Variants in GPR21 observed in about 807,000 individuals in gnomAD.
GPR21 encodes probable G protein-coupled receptor 21.
Under a neutral mutation model 21.5 loss-of-function variants are expected in GPR21, and 9 were observed. That is an observed-to-expected ratio of 0.42 (90% CI 0.25 to 0.73). GPR21 has a LOEUF of 0.73. Ranked by LOEUF, GPR21 falls within the 30% of genes least tolerant of loss-of-function variation. The pLI, the probability that GPR21 is intolerant of heterozygous loss-of-function variation, is 0.27. For synonymous variants in GPR21, 169 were observed against 159.3 expected, an observed-to-expected ratio of 1.06 and a Z score of -0.46; for missense variants, 416 against 428.9, an observed-to-expected ratio of 0.97 and a Z score of 0.27.
Position 123,034,581 on chromosome 9 carries a change from G to A in GPR21, c.15G>A (p.Leu5=). The change falls in exon 2 of 2, where the codon TTG becomes TTA. Residue 5 remains leucine (L), a synonymous_variant. Coordinates refer to ENST00000616002, the MANE Select transcript of GPR21 (RefSeq NM_005294.3). ...CTGAGCTCAAGATGAACTCCACCTT[G>A]GATGGTAATCAGAGCAGCCACCCTT... The part of the protein sequence containing the change: MNST[L]DGNQSSHPFC... 1 of 1,603,172 alleles carries A rather than the reference G, an allele frequency of 6.2e-7. No homozygotes were observed. The highest frequency in any genetic ancestry group is 1.3e-5 in the African/African-American group (1 of 74,844).
downstream of GPR21, among the ~76,000 whole-genome samples, chr9:123,039,215 T>C (rs919009944): frequency 7.9e-5 from 12 of 152,160 alleles, no homozygotes; most frequent in Non-Finnish European, 1.5e-4. Flanking sequence ...AATCCCAGAC[T>C]TGAGAAGAGA....
chr9:123,044,733 CA>C, the GPR21 span, among the ~76,000 whole-genome samples: 1 of 151,776 alleles, frequency 6.6e-6, no homozygotes, highest in East Asian at 1.9e-4. Flanking sequence ...GAGAGGAATG[CA>C]AAATGCCATG....
At chr9:123,042,688 G>A in the GPR21 span, among the ~76,000 whole-genome samples, 14 of 152,102 alleles carry the variant, frequency 9.2e-5, no homozygotes, top group Admixed American at 4.6e-4. Flanking sequence ...CAAAACAGTC[G>A]GAGGTTTAAT....
the GPR21 span, among the ~76,000 whole-genome samples, chr9:123,048,634 A>G: frequency 1.1e-4 from 17 of 152,378 alleles, no homozygotes; most frequent in African/African-American, 3.8e-4. Context: ...AGTTCATCAC[A>G]GTTATCAGAA....
At position 123,034,776 on chromosome 9, in the gene GPR21, T is replaced by C. The variant is rs2032522515; in HGVS notation, c.210T>C (p.Thr70=). ...NHHTTSYFIQ[T]MAYADLFVGV... ...ACACTACAAGTTATTTTATCCAGAC[T>C]ATGGCATATGCTGACCTTTTTGTTG... The change falls in exon 2 of 2, where the codon ACT becomes ACC. Residue 70 remains threonine, a synonymous_variant. Coordinates refer to ENST00000616002, the MANE Select transcript of GPR21 (RefSeq NM_005294.3). 6.2e-7 allele frequency: 1 copy of C among 1,613,650 alleles called. No homozygotes were observed. Among genetic ancestry groups the C allele is most frequent in the Non-Finnish European group, 8.5e-7 (1 of 1,179,660 alleles).
rs375680589 is a variant in GPR21, at chr9:123,034,927, G to A, written c.361G>A (p.Ala121Thr). The change falls in exon 2 of 2, where the codon GCC (alanine) becomes ACC (threonine). Residue 121 changes from alanine (A) to threonine (T), a missense_variant. Physicochemically the swap from Ala to Thr is moderately conservative, Grantham distance 58 (BLOSUM62 0). Transcript: ENST00000616002. The part of the protein sequence containing the change: ...VLKSVSMASL[A>T]CISIDRYIAI... ...GAAGAGCGTCTCCATGGCTTCTCTG[G>A]CCTGTATCAGCATTGATAGATACAT... The A allele has an allele frequency of 6.2e-6, 10 of 1,612,926 alleles. No homozygotes were observed. The African/African-American group carries it at 9.3e-5, about 15-fold the overall frequency.
At chr9:123,042,251 T>TA in the GPR21 span, among the ~76,000 whole-genome samples, 40 of 152,336 alleles carry the variant, frequency 2.6e-4, no homozygotes, top group East Asian at 2.9e-3. Flanking sequence ...CTGGTCACTT[T>TA]AAGGTGATGC....
Position 123,035,266 on chromosome 9 carries a change from A to G in GPR21, c.700A>G (p.Ser234Gly). 6.2e-7 allele frequency: 1 copy of G among 1,614,204 alleles called. No homozygotes were observed. Among genetic ancestry groups the G allele is most frequent in the African/African-American group, 1.3e-5 (1 of 75,058 alleles). The change falls in exon 2 of 2, where the codon AGC becomes GGC. Residue 234 changes from serine (S) to glycine (G), a missense_variant. Physicochemically the swap from Ser to Gly is moderately conservative, Grantham distance 56 (BLOSUM62 0). Coordinates refer to ENST00000616002, the MANE Select transcript of GPR21 (RefSeq NM_005294.3). ...CAGCGAAAGGCAAGCCCGCTTCAGC[A>G]GCCAGAGTGGGGAGACTGGGGAAGT... ...DISERQARFS[S>G]QSGETGEVQA...
At chr9:123,048,910 C>T in the GPR21 span, among the ~76,000 whole-genome samples, 1 of 152,130 alleles carries the variant, frequency 6.6e-6, no homozygotes, top group Non-Finnish European at 1.5e-5. Flanking sequence ...GATTTGGGAC[C>T]GTTTTGCCAA....
At chr9:123,047,935 T>G in the GPR21 span, among the ~76,000 whole-genome samples, 3 of 74,494 alleles carry the variant, frequency 4.0e-5, no homozygotes, top group East Asian at 1.6e-3. Flanking sequence ...TTTTTTTTTT[T>G]TTTTTTTTTT....
At chr9:123,043,740 T>G in the GPR21 span, among the ~76,000 whole-genome samples, 1 of 151,940 alleles carries the variant, frequency 6.6e-6, no homozygotes, top group African/African-American at 2.4e-5. Flanking sequence ...AAATAGCAAC[T>G]TAAGCATTTT....
At chr9:123,041,455 T>C in the GPR21 span, among the ~76,000 whole-genome samples, 6 of 152,224 alleles carry the variant, frequency 3.9e-5, no homozygotes, top group Non-Finnish European at 8.8e-5. Context: ...GTAAGTGTTA[T>C]GATTCAAATC....
rs746696391 is a variant in GPR21, at chr9:123,035,046, C to G, written c.480C>G (p.Val160=). 4.3e-6 allele frequency: 7 copies of G among 1,614,058 alleles called. No homozygotes were observed. Among genetic ancestry groups the G allele is most frequent in the Non-Finnish European group, 4.2e-6 (5 of 1,179,922 alleles). ...IFLIWLYSTL[V]FLPSFFHWGK... is the part of the protein sequence containing the mutation. Reference sequence around the variant, plus strand: ...TGATTTGGCTATACTCGACCCTGGTCTTCCTGCCTTCCTTTTTCCACTGGG... The same window carrying G: ...TGATTTGGCTATACTCGACCCTGGTGTTCCTGCCTTCCTTTTTCCACTGGG... Residue 160 remains valine, a synonymous_variant, in exon 2 of 2, where the codon GTC becomes GTG. Transcript: ENST00000616002.
chr9:123,047,324 G>A, the GPR21 span, among the ~76,000 whole-genome samples: 2 of 152,170 alleles, frequency 1.3e-5, no homozygotes, highest in Non-Finnish European at 2.9e-5. Context: ...CTGCTAGTGA[G>A]TTTGAAGGGT....
the GPR21 span, among the ~76,000 whole-genome samples, chr9:123,048,726 A>G: frequency 6.6e-6 from 1 of 152,148 alleles, no homozygotes; most frequent in South Asian, 2.1e-4. Context: ...TTTGACTATC[A>G]CCACCTCTTA....
Position 123,035,379 on chromosome 9 carries a change from C to T in GPR21, c.813C>T (p.Tyr271=), listed in dbSNP as rs376922880. 1 of 1,614,152 alleles carries T rather than the reference C, an allele frequency of 6.2e-7. No homozygotes were observed. The highest frequency in any genetic ancestry group is 8.5e-7 in the Non-Finnish European group (1 of 1,179,990). ...FYILWLPYII[Y]FLLESSTGHS... The stretch of plus-strand genomic sequence containing the variant: ...TCCTCTGGTTGCCATATATCATCTA[C>T]TTCTTGTTGGAAAGCTCCACTGGCC... Residue 271 remains tyrosine (Y), a synonymous_variant, in exon 2 of 2, where the codon TAC becomes TAT. Coordinates refer to ENST00000616002, the MANE Select transcript of GPR21 (RefSeq NM_005294.3).
chr9:123,043,842 A>G, the GPR21 span, among the ~76,000 whole-genome samples: 9 of 152,082 alleles, frequency 5.9e-5, no homozygotes, highest in South Asian at 1.7e-3. Flanking sequence ...GAGTGAAGGG[A>G]ATTTCATTGT....
At chr9:123,036,866 ATTC>A (rs2032691296), downstream of GPR21, among the ~76,000 whole-genome samples, 1 of 151,824 alleles carries the variant, frequency 6.6e-6, no homozygotes, top group Non-Finnish European at 1.5e-5. Flanking sequence ...GGATTTTATA[ATTC>A]TTCTATAGAA....
At chr9:123,039,673 A>G (rs1245783530), downstream of GPR21, among the ~76,000 whole-genome samples, 1 of 152,230 alleles carries the variant, frequency 6.6e-6, no homozygotes, top group East Asian at 1.9e-4. Context: ...GCTTCGGCCC[A>G]GAGAACTTCA....
Sources: gnomAD v4.1 joint callset for allele counts (sites outside exome capture counted in the v4.1 genomes callset) on GRCh38, gnomAD v4.1.1 for gene constraint, MANE v1.5 for transcripts, NCBI Gene and HGNC (gene_info 2026-07-23, HGNC 2026-07-21) for gene names.